Variants in CPPED1 observed in about 807,000 individuals in gnomAD.
CPPED1 encodes serine/threonine-protein phosphatase CPPED1.
In CPPED1, 28 loss-of-function variants were observed where a neutral mutation model predicts 28.0. The ratio of observed to expected loss-of-function variants is 1.00; its 90% CI spans 0.74 to 1.37. CPPED1 has a LOEUF of 1.37. CPPED1 is among the 40% of genes most tolerant of loss of function. The pLI, the probability that CPPED1 is intolerant of heterozygous loss-of-function variation, is 0.00. For synonymous variants in CPPED1, 198 were observed against 180.2 expected, an observed-to-expected ratio of 1.10 and a Z score of -0.79; for missense variants, 504 against 416.5, an observed-to-expected ratio of 1.21 and a Z score of -1.83.
chr16:12,680,392 T>C (rs1394704438), intron 3 of CPPED1, among the ~76,000 whole-genome samples: 1 of 152,162 alleles, frequency 6.6e-6, no homozygotes, highest in Non-Finnish European at 1.5e-5. Flanking sequence ...GCTTTCCCTC[T>C]GCCCCCACAC....
rs11303196 is a variant in CPPED1, at chr16:12,800,431, C to CA, written c.70+3275dup. 9.5e-3 allele frequency among the ~76,000 whole-genome samples: 860 copies of CA among 90,120 alleles called. 7 individuals carry two copies. The highest frequency in any genetic ancestry group is 0.037 in the East Asian group (107 of 2,874). The allele number at this position is 90,120 out of a possible 152,430, so 59.1% of individuals were successfully genotyped here. On this transcript the variant is annotated intron_variant, in intron 1 of 3. Transcript: ENST00000381774. ...TGGGTGACAGAGCTAGACTCTGTCT[C>CA]AAAAAAAAAAAAAAAAAAGTAAACC... is the stretch of plus-strand genomic sequence containing the variant.
At chr16:12,716,278 A>G (rs2080106669) in intron 2 of CPPED1, among the ~76,000 whole-genome samples, 1 of 152,198 alleles carries the variant, frequency 6.6e-6, no homozygotes, top group Admixed American at 6.5e-5. Context: ...TAAGGTATGT[A>G]CACACTTAAT....
chr16:12,770,230 G>T (rs1466685529), intron 2 of CPPED1, among the ~76,000 whole-genome samples: 1 of 152,156 alleles, frequency 6.6e-6, no homozygotes, highest in Admixed American at 6.5e-5. Flanking sequence ...TGCTCTCAGT[G>T]CAAATGGCGC....
chr16:12,778,277 C>CTTTTTT (rs371883790), intron 2 of CPPED1, among the ~76,000 whole-genome samples: 125 of 116,150 alleles, frequency 1.1e-3, no homozygotes, highest in Non-Finnish European at 1.5e-3. Context: ...TTCTTTCTTT[C>CTTTTTT]TTTTTTTTTT....
intron 2 of CPPED1, among the ~76,000 whole-genome samples, chr16:12,739,175 G>A (rs2080241675): frequency 1.3e-5 from 2 of 152,188 alleles, no homozygotes; most frequent in South Asian, 4.1e-4. Context: ...ATAAGAAAGT[G>A]TGCATGTAGA....
chr16:12,788,585 GA>G (rs1041893874), intron 1 of CPPED1, among the ~76,000 whole-genome samples: 2 of 152,038 alleles, frequency 1.3e-5, no homozygotes, highest in African/African-American at 2.4e-5. Flanking sequence ...TAGTGAGGGG[GA>G]AGGGAGATGG....
At chr16:12,706,321 A>G (rs1175151646) in intron 2 of CPPED1, among the ~76,000 whole-genome samples, 1 of 151,694 alleles carries the variant, frequency 6.6e-6, no homozygotes, top group African/African-American at 2.4e-5. Context: ...AGAGGGAGGG[A>G]GTCTTACACT....
intron 3 of CPPED1, among the ~76,000 whole-genome samples, chr16:12,666,693 A>G (rs2079827665): frequency 6.6e-6 from 1 of 152,178 alleles, no homozygotes; most frequent in Non-Finnish European, 1.5e-5. Flanking sequence ...TACCATAGAG[A>G]TACAAGAGCT....
chr16:12,797,996 T>C (rs751407809), intron 1 of CPPED1, among the ~76,000 whole-genome samples: 1 of 152,102 alleles, frequency 6.6e-6, no homozygotes. Context: ...GGTGGGAGGA[T>C]CACTTAAGCA....
chr16:12,768,561 G>A (rs75033367), intron 2 of CPPED1, among the ~76,000 whole-genome samples: 3,076 of 152,216 alleles, frequency 0.02, 70 homozygotes, highest in East Asian at 0.13. Context: ...CCATGAAAAG[G>A]TACCTCCAAA....
chr16:12,773,809 A>C (rs1308756573), intron 2 of CPPED1, among the ~76,000 whole-genome samples: 1 of 152,230 alleles, frequency 6.6e-6, no homozygotes, highest in African/African-American at 2.4e-5. Context: ...ATCTGTGGTG[A>C]TTTGGCATCA....
intron 2 of CPPED1, among the ~76,000 whole-genome samples, chr16:12,768,450 C>T (rs949281939): frequency 6.6e-6 from 1 of 152,268 alleles, no homozygotes; most frequent in Non-Finnish European, 1.5e-5. Context: ...AATCAAATAT[C>T]CACACTTTTC....
At chr16:12,675,947 G>C (rs2079875470) in intron 3 of CPPED1, among the ~76,000 whole-genome samples, 2 of 152,214 alleles carry the variant, frequency 1.3e-5, no homozygotes, top group South Asian at 4.1e-4. Flanking sequence ...TGAGATAAGA[G>C]ATTCTGGCCA....
chr16:12,708,730 C>T (rs900560766), intron 2 of CPPED1, among the ~76,000 whole-genome samples: 1 of 152,196 alleles, frequency 6.6e-6, no homozygotes, highest in Admixed American at 6.5e-5. Flanking sequence ...ACTATATTAA[C>T]AACAACTTAG....
At chr16:12,756,265 G>A (rs1485097689) in intron 2 of CPPED1, among the ~76,000 whole-genome samples, 3 of 152,118 alleles carry the variant, frequency 2.0e-5, no homozygotes, top group Admixed American at 6.5e-5. Context: ...GTCAGTTATC[G>A]TCTTAAATAA....
intron 3 of CPPED1, among the ~76,000 whole-genome samples, chr16:12,691,205 G>A (rs2079961039): frequency 6.6e-6 from 1 of 152,222 alleles, no homozygotes; most frequent in Non-Finnish European, 1.5e-5. Flanking sequence ...TACAAAATCA[G>A]AGCAAGAGTC....
At chr16:12,686,509 G>C (rs559114482) in intron 3 of CPPED1, among the ~76,000 whole-genome samples, 1 of 152,192 alleles carries the variant, frequency 6.6e-6, no homozygotes, top group Non-Finnish European at 1.5e-5. Flanking sequence ...ATACAGTTTT[G>C]TCAATAAACT....
chr16:12,758,745 T>C (rs1349225363), intron 2 of CPPED1, among the ~76,000 whole-genome samples: 1 of 152,054 alleles, frequency 6.6e-6, no homozygotes, highest in South Asian at 2.1e-4. Context: ...TTACTACAAG[T>C]AGAAGGAATT....
intron 1 of CPPED1, among the ~76,000 whole-genome samples, chr16:12,789,323 G>C (rs1267926363): frequency 6.6e-6 from 1 of 152,150 alleles, no homozygotes; most frequent in East Asian, 1.9e-4. Flanking sequence ...TGAGGAAGAG[G>C]AGACCCAGCA....
Sources: gnomAD v4.1 joint callset for allele counts (sites outside exome capture counted in the v4.1 genomes callset) on GRCh38, gnomAD v4.1.1 for gene constraint, MANE v1.5 for transcripts, NCBI Gene and HGNC (gene_info 2026-07-23, HGNC 2026-07-21) for gene names.